DOK5: variants seen among roughly 807,000 people sequenced by gnomAD.
DOK5 encodes docking protein 5.
In DOK5, 27 loss-of-function variants were observed where a neutral mutation model predicts 43.3. That is an observed-to-expected ratio of 0.62 (90% CI 0.46 to 0.86). The LOEUF is 0.86. Among genes scored for constraint, DOK5 ranks in the 40% least tolerant of loss-of-function variants. The probability of loss-of-function intolerance (pLI) is 0.00; values close to 1 mark genes in which losing one functional copy is unlikely to be tolerated. For synonymous variants in DOK5, 146 were observed against 140.1 expected, an observed-to-expected ratio of 1.04 and a Z score of -0.30; for missense variants, 373 against 392.9, an observed-to-expected ratio of 0.95 and a Z score of 0.43.
At chr20:54,632,847 C>T (rs777261862) in intron 6 of DOK5, among the ~76,000 whole-genome samples, 1 of 149,924 alleles carries the variant, frequency 6.7e-6, no homozygotes, top group South Asian at 2.1e-4. Flanking sequence ...GAGGCCAAGG[C>T]GGGTGGAGCA....
At chr20:54,523,072 A>G (rs73276924) in intron 1 of DOK5, among the ~76,000 whole-genome samples, 7,977 of 152,200 alleles carry the variant, frequency 0.052, 454 homozygotes, top group African/African-American at 0.13. Flanking sequence ...TGCTGAATGA[A>G]TGAATGATAG....
Position 54,649,459 on chromosome 20 carries a change from G to A in DOK5, c.857-956G>A, listed in dbSNP as rs573519895. ...ATAAAAACAACATTGTTTTGAATGTGTGTGGGTGGGGCGGACATGCTCCAC... is the reference window on the plus strand; with the variant it reads ...ATAAAAACAACATTGTTTTGAATGTATGTGGGTGGGGCGGACATGCTCCAC... On this transcript the variant is annotated intron_variant, in intron 7 of 7. Coordinates refer to ENST00000262593, the MANE Select transcript of DOK5 (RefSeq NM_018431.5). Among the ~76,000 whole-genome samples the A allele has an allele frequency of 3.3e-5, 5 of 152,346 alleles. No homozygotes were observed. In the South Asian group the frequency reaches 8.3e-4, roughly 25 times the overall value.
chr20:54,599,834 G>A (rs1158946490), intron 5 of DOK5, among the ~76,000 whole-genome samples: 1 of 152,152 alleles, frequency 6.6e-6, no homozygotes, highest in African/African-American at 2.4e-5. Context: ...GCACCCTAAT[G>A]CCTGGTGTGG....
intron 1 of DOK5, among the ~76,000 whole-genome samples, chr20:54,542,005 T>C (rs1257624335): frequency 6.6e-6 from 1 of 151,880 alleles, no homozygotes; most frequent in Non-Finnish European, 1.5e-5. Context: ...CCTCACCCTA[T>C]TTAAAATCAC....
At chr20:54,516,924 T>A (rs1983215941) in intron 1 of DOK5, among the ~76,000 whole-genome samples, 1 of 152,218 alleles carries the variant, frequency 6.6e-6, no homozygotes, top group Non-Finnish European at 1.5e-5. Flanking sequence ...AGCAATTTTG[T>A]TTCTACAAAC....
chr20:54,562,490 C>T (rs1984942753), intron 2 of DOK5, among the ~76,000 whole-genome samples: 1 of 152,266 alleles, frequency 6.6e-6, no homozygotes, highest in South Asian at 2.1e-4. Flanking sequence ...GCTATCTTGG[C>T]TCATTGCAAC....
intron 1 of DOK5, among the ~76,000 whole-genome samples, chr20:54,530,496 C>T (rs1041358470): frequency 6.6e-6 from 1 of 152,272 alleles, no homozygotes; most frequent in African/African-American, 2.4e-5. Flanking sequence ...CTGAGGGCTG[C>T]TACCTGTTTG....
chr20:54,528,154 C>T (rs1005598246), intron 1 of DOK5, among the ~76,000 whole-genome samples: 4 of 152,140 alleles, frequency 2.6e-5, no homozygotes, highest in African/African-American at 9.7e-5. Context: ...TTGCAGTGAG[C>T]TGAGATCGTA....
chr20:54,522,522 C>CTTT lies in DOK5; in HGVS notation c.67-32398_67-32396dup, dbSNP rs112690376. Among the ~76,000 whole-genome samples, 5 of 140,224 alleles carry CTTT rather than the reference C, an allele frequency of 3.6e-5. No individual in the cohort carries two copies. The South Asian group carries it at 9.1e-4, about 26-fold the overall frequency. The allele number at this position is 140,224 out of a possible 152,430, so 92.0% of individuals were successfully genotyped here. On this transcript the variant is annotated intron_variant, in intron 1 of 7. Transcript: ENST00000262593. ...GTTTTCTTTTTCTTTTTCTTTCTTT[C>CTTT]TTTTTTTTTTTTTTTGAGACAGAGC...
At chr20:54,596,648 T>A (rs1213789373) in intron 5 of DOK5, among the ~76,000 whole-genome samples, 2 of 152,090 alleles carry the variant, frequency 1.3e-5, no homozygotes, top group Non-Finnish European at 2.9e-5. Flanking sequence ...GGAACACATA[T>A]ATTACTTATC....
intron 1 of DOK5, among the ~76,000 whole-genome samples, chr20:54,539,746 G>A (rs1984085130): frequency 6.6e-6 from 1 of 152,108 alleles, no homozygotes; most frequent in Non-Finnish European, 1.5e-5. Context: ...AATGAACCCA[G>A]CCATGATTAA....
At chr20:54,616,191 T>G (rs1986802502) in intron 6 of DOK5, among the ~76,000 whole-genome samples, 1 of 152,190 alleles carries the variant, frequency 6.6e-6, no homozygotes, top group Non-Finnish European at 1.5e-5. Context: ...TGAAAACTCT[T>G]GCATTGAAGA....
At chr20:54,562,497 C>T (rs911560053) in intron 2 of DOK5, among the ~76,000 whole-genome samples, 3 of 152,136 alleles carry the variant, frequency 2.0e-5, no homozygotes, top group African/African-American at 7.2e-5. Context: ...TGGCTCATTG[C>T]AACCTCTGCC....
At chr20:54,525,502 G>A (rs1983546317) in intron 1 of DOK5, among the ~76,000 whole-genome samples, 1 of 152,130 alleles carries the variant, frequency 6.6e-6, no homozygotes, top group South Asian at 2.1e-4. Flanking sequence ...CTGAATAGCT[G>A]ATAATAATTG....
chr20:54,614,915 T>C (rs1176474070), intron 6 of DOK5, among the ~76,000 whole-genome samples: 1 of 152,192 alleles, frequency 6.6e-6, no homozygotes, highest in African/African-American at 2.4e-5. Flanking sequence ...TCGGTTATTG[T>C]TTTGCCTTTT....
chr20:54,576,610 C>A (rs998723032), intron 2 of DOK5, among the ~76,000 whole-genome samples: 2 of 152,128 alleles, frequency 1.3e-5, no homozygotes, highest in Non-Finnish European at 2.9e-5. Flanking sequence ...CACTGAACTG[C>A]GGTCTTGAGA....
chr20:54,584,235 C>T (rs1985728457), intron 2 of DOK5, among the ~76,000 whole-genome samples: 1 of 151,702 alleles, frequency 6.6e-6, no homozygotes. Flanking sequence ...TTTCTTGTAG[C>T]TCTTTTGTCC....
At chr20:54,486,975 C>G (rs928320464) in intron 1 of DOK5, among the ~76,000 whole-genome samples, 3 of 152,118 alleles carry the variant, frequency 2.0e-5, no homozygotes, top group Non-Finnish European at 2.9e-5. Context: ...TGCATTCTAT[C>G]TTCCTCTTGC....
At position 54,534,655 on chromosome 20, in the gene DOK5, G is replaced by A. The variant is rs139370600; in HGVS notation, c.67-20278G>A. Among the ~76,000 whole-genome samples, 188 of 152,296 alleles carry A rather than the reference G, an allele frequency of 1.2e-3. 1 individual carries two copies. The highest frequency in any genetic ancestry group is 4.2e-3 in the African/African-American group (176 of 41,564). Reference sequence around the variant, plus strand: ...ACGTGAAATACTTAGTTGAATACCTGTCAACTAAGCAGTGAAGATCTGTGA... The same window carrying A: ...ACGTGAAATACTTAGTTGAATACCTATCAACTAAGCAGTGAAGATCTGTGA... On this transcript the variant is annotated intron_variant, in intron 1 of 7. Coordinates refer to ENST00000262593, the MANE Select transcript of DOK5 (RefSeq NM_018431.5).
Sources: gnomAD v4.1 joint callset for allele counts (sites outside exome capture counted in the v4.1 genomes callset) on GRCh38, gnomAD v4.1.1 for gene constraint, MANE v1.5 for transcripts, NCBI Gene and HGNC (gene_info 2026-07-23, HGNC 2026-07-21) for gene names.